Variants in LRP1B observed in about 807,000 individuals in gnomAD.
LRP1B encodes LDL receptor related protein 1B.
A neutral mutation model predicts 556.6 loss-of-function variants in LRP1B; 217 were observed. The observed-to-expected ratio is 0.39, with a 90% CI of 0.35 to 0.44. The LOEUF is 0.44. LRP1B is among the 20% of genes least tolerant of loss of function. The pLI is 1.00. For synonymous variants in LRP1B, 2,047 were observed against 1,865.8 expected (o/e 1.10, Z -2.50); for missense variants, 5,053 against 5,620.8 (o/e 0.90, Z 3.23).
chr2:141,433,186 C>T (rs1318870519), intron 3 of LRP1B, among the ~76,000 whole-genome samples: 2 of 151,926 alleles, frequency 1.3e-5, no homozygotes, highest in Non-Finnish European at 2.9e-5. Context: ...ATTATATTTG[C>T]ATATTTTCCA....
intron 2 of LRP1B, among the ~76,000 whole-genome samples, chr2:141,737,179 C>T (rs1693504208): frequency 6.6e-6 from 1 of 152,104 alleles, no homozygotes; most frequent in Non-Finnish European, 1.5e-5. Flanking sequence ...TGGTGAAACC[C>T]TGTCTCTACT....
intron 2 of LRP1B, among the ~76,000 whole-genome samples, chr2:141,639,099 G>A (rs1689212989): frequency 7.8e-6 from 1 of 128,868 alleles, no homozygotes; most frequent in Non-Finnish European, 1.7e-5. Context: ...ATCTGTCTAG[G>A]AGCAGTGAGG....
chr2:141,871,493 C>T (rs1698585144), intron 1 of LRP1B, among the ~76,000 whole-genome samples: 1 of 151,868 alleles, frequency 6.6e-6, no homozygotes, highest in Admixed American at 6.6e-5. Context: ...TATCTTAAAA[C>T]ATTTTACAAA....
Position 140,989,649 on chromosome 2 carries a change from T to C in LRP1B, c.2653A>G (p.Ser885Gly). The change falls in exon 17 of 91, where the codon AGC becomes GGC. Residue 885 changes from serine (S) to glycine (G), a missense_variant. This residue lies in a region of LRP1B where 3,619 missense variants were observed against 3,931.9 expected (regional missense o/e 0.92). Coordinates refer to ENST00000389484, the MANE Select transcript of LRP1B (RefSeq NM_018557.3). The stretch of plus-strand genomic sequence containing the variant: ...CATTTAAACTGATCATCAGGACAGC[T>C]ATGATTGACTGGGAGGGAGGGGGAA... ...DEDSVNCFNH[S>G]CPDDQFKCQN... 6.2e-7 allele frequency: 1 copy of C among 1,612,744 alleles called. No individual in the cohort carries two copies. Among genetic ancestry groups the C allele is most frequent in the Non-Finnish European group, 8.5e-7 (1 of 1,179,140 alleles).
chr2:141,360,434 T>C (rs1352333021), intron 3 of LRP1B, among the ~76,000 whole-genome samples: 12 of 152,252 alleles, frequency 7.9e-5, no homozygotes, highest in African/African-American at 2.9e-4. Context: ...AACATGTACC[T>C]ATGAAAATAT....
intron 7 of LRP1B, among the ~76,000 whole-genome samples, chr2:141,180,609 T>C (rs545390171): frequency 2.6e-5 from 4 of 152,062 alleles, no homozygotes; most frequent in African/African-American, 7.2e-5. Context: ...TCCTAAACTA[T>C]GTCTTTACAA....
chr2:140,342,701 A>G (rs1331309584), intron 77 of LRP1B, among the ~76,000 whole-genome samples: 1 of 151,612 alleles, frequency 6.6e-6, no homozygotes, highest in Non-Finnish European at 1.5e-5. Context: ...GCCACAGAAC[A>G]ATAGAAATCC....
intron 47 of LRP1B, among the ~76,000 whole-genome samples, chr2:140,532,205 G>A (rs902990992): frequency 3.9e-5 from 6 of 152,078 alleles, no homozygotes; most frequent in South Asian, 4.2e-4. Context: ...TATAGGTTTC[G>A]TTAACACAAT....
At chr2:141,647,518 G>A (rs986082650) in intron 2 of LRP1B, among the ~76,000 whole-genome samples, 15 of 152,238 alleles carry the variant, frequency 9.9e-5, no homozygotes, top group African/African-American at 3.1e-4. Context: ...CTTGATTATC[G>A]TGGTTGAGAA....
intron 9 of LRP1B, among the ~76,000 whole-genome samples, chr2:141,055,999 T>C (rs1483725719): frequency 1.3e-5 from 2 of 151,818 alleles, no homozygotes; most frequent in Non-Finnish European, 2.9e-5. Context: ...ATAGGAATAA[T>C]ATAAGTAAGA....
chr2:142,039,713 T>C (rs975712333), intron 1 of LRP1B, among the ~76,000 whole-genome samples: 13 of 151,556 alleles, frequency 8.6e-5, no homozygotes, highest in Non-Finnish European at 1.5e-5. Flanking sequence ...CGTGCTTTTA[T>C]GAATCAGTGT....
intron 13 of LRP1B, among the ~76,000 whole-genome samples, chr2:141,014,734 T>G (rs1697853259): frequency 6.6e-6 from 1 of 152,120 alleles, no homozygotes; most frequent in Admixed American, 6.6e-5. Flanking sequence ...ATGAAAGTAT[T>G]ATGTTTATTG....
chr2:142,097,900 G>T (rs1353732290), intron 1 of LRP1B, among the ~76,000 whole-genome samples: 1 of 151,496 alleles, frequency 6.6e-6, no homozygotes. Context: ...ATAGGTCTTG[G>T]CTCCCTTTAC....
At chr2:141,386,536 T>C (rs927484750) in intron 3 of LRP1B, among the ~76,000 whole-genome samples, 7 of 152,124 alleles carry the variant, frequency 4.6e-5, no homozygotes, top group East Asian at 1.9e-4. Context: ...AGATATTCCA[T>C]GCAAATAGCA....
At chr2:140,494,709 T>A (rs921786080) in intron 56 of LRP1B, among the ~76,000 whole-genome samples, 27 of 152,112 alleles carry the variant, frequency 1.8e-4, no homozygotes, top group African/African-American at 6.0e-4. Context: ...GGAGTTAATT[T>A]TTTTTTCTTC....
intron 2 of LRP1B, among the ~76,000 whole-genome samples, chr2:141,680,942 C>T (rs968011845): frequency 1.3e-5 from 2 of 151,970 alleles, no homozygotes; most frequent in South Asian, 2.1e-4. Context: ...GAAAATGGTG[C>T]GTTGCATTTT....
intron 18 of LRP1B, among the ~76,000 whole-genome samples, chr2:140,976,287 C>G (rs1024775343): frequency 1.6e-4 from 24 of 151,892 alleles, no homozygotes; most frequent in Admixed American, 1.1e-3. Flanking sequence ...CTCTCCCTAC[C>G]CCCTCCTCTA....
intron 32 of LRP1B, among the ~76,000 whole-genome samples, chr2:140,785,431 GA>G (rs1689861636): frequency 6.6e-6 from 1 of 152,130 alleles, no homozygotes; most frequent in African/African-American, 2.4e-5. Flanking sequence ...CTGGCATTTG[GA>G]AGCAAGAAAT....
chr2:140,510,913 A>G (rs1436071322), intron 51 of LRP1B, among the ~76,000 whole-genome samples: 1 of 152,056 alleles, frequency 6.6e-6, no homozygotes. Context: ...GTCCCTGTGC[A>G]GTTACATACA....
Sources: gnomAD v4.1 joint callset for allele counts (sites outside exome capture counted in the v4.1 genomes callset) on GRCh38, gnomAD v4.1.1 for gene constraint, gnomAD v4.1.1 regional missense constraint, MANE v1.5 for transcripts, NCBI Gene and HGNC (gene_info 2026-07-23, HGNC 2026-07-21) for gene names.